RASGEF1C: variants seen among roughly 807,000 people sequenced by gnomAD.
RASGEF1C encodes the protein RasGEF domain family member 1C, also known as ras-GEF domain-containing family member 1C.
RASGEF1C carries 27 observed loss-of-function variants against 58.1 expected under a neutral mutation model. That is an observed-to-expected ratio of 0.46 (90% CI 0.34 to 0.64). The LOEUF (loss-of-function observed/expected upper bound fraction) is 0.64, where lower values mean the gene tolerates loss of function less well. Among genes scored for constraint, RASGEF1C ranks in the 30% least tolerant of loss-of-function variants. The pLI is 0.01. For synonymous variants in RASGEF1C, 243 were observed against 246.3 expected, an observed-to-expected ratio of 0.99 and a Z score of 0.13; for missense variants, 502 against 605.1, an observed-to-expected ratio of 0.83 and a Z score of 1.79.
chr5:180,177,385 G>C lies in RASGEF1C; in HGVS notation c.-7+31643C>G, dbSNP rs1767248690. ...CCATTTTTAACCTTCCTTAGTCCCAGCAGCCCCAGCAAAAGCTCTTCGGTG... is the reference window on the plus strand; with the variant it reads ...CCATTTTTAACCTTCCTTAGTCCCACCAGCCCCAGCAAAAGCTCTTCGGTG... On this transcript the variant is annotated intron_variant, in intron 1 of 13. Coordinates refer to ENST00000361132, the MANE Select transcript of RASGEF1C (RefSeq NM_175062.4). The surrounding 1 kb of genome is among the most constrained non-coding windows in gnomAD (Gnocchi z 5.0). 6.6e-6 allele frequency among the ~76,000 whole-genome samples: 1 copy of C among 152,156 alleles called. No homozygotes were observed. Among genetic ancestry groups the C allele is most frequent in the African/African-American group, 2.4e-5 (1 of 41,434 alleles).
chr5:180,109,319 G>A (rs998699749), intron 12 of RASGEF1C, among the ~76,000 whole-genome samples: 5 of 152,060 alleles, frequency 3.3e-5, no homozygotes, highest in East Asian at 1.9e-4. Context: ...TTAGCCGGGC[G>A]TGGTGGTGGG....
chr5:180,105,790 C>T (rs1765866050), intron 12 of RASGEF1C, among the ~76,000 whole-genome samples: 1 of 151,974 alleles, frequency 6.6e-6, no homozygotes, highest in African/African-American at 2.4e-5. Flanking sequence ...ATCGCTTGAA[C>T]CTGGGAGGCA....
At chr5:180,207,467 G>A (rs533236434) in intron 1 of RASGEF1C, among the ~76,000 whole-genome samples, 1 of 152,356 alleles carries the variant, frequency 6.6e-6, no homozygotes, top group African/African-American at 2.4e-5. Context: ...CCAGGTACAA[G>A]TGAGAGCTGG....
At chr5:180,149,088 CTTTTTTTT>C (rs61204210) in intron 1 of RASGEF1C, among the ~76,000 whole-genome samples, 2 of 110,176 alleles carry the variant, frequency 1.8e-5, no homozygotes, top group African/African-American at 6.7e-5. Flanking sequence ...CTTTTTTTTT[CTTTTTTTT>C]TTTTTTTTTT....
Position 180,197,931 on chromosome 5 carries a change from A to C in RASGEF1C, c.-7+11097T>G, listed in dbSNP as rs145800404. Among the ~76,000 whole-genome samples the C allele has an allele frequency of 2.0e-3, 312 of 152,336 alleles. 2 individuals are homozygous for C. The highest frequency in any genetic ancestry group is 7.3e-3 in the African/African-American group (303 of 41,592). On this transcript the variant is annotated intron_variant, in intron 1 of 13. Transcript: ENST00000361132. The surrounding 1 kb of genome is among the most constrained non-coding windows in gnomAD (Gnocchi z 4.7). ...TGCGTCCCACGCTTAGCGACATCCA[A>C]TGCACGTAAAGCAGAAATTCCCCAA...
chr5:180,113,626 AT>A lies in RASGEF1C; in HGVS notation c.1179+819del, dbSNP rs767541711. 4.7e-4 allele frequency among the ~76,000 whole-genome samples: 25 copies of A among 53,294 alleles called. 1 individual carries two copies. Among genetic ancestry groups the A allele is most frequent in the African/African-American group, 8.3e-4 (9 of 10,896 alleles). 35.0% of individuals were successfully genotyped at this position (53,294 alleles called of 152,430 possible). On this transcript the variant is annotated intron_variant, in intron 11 of 13. Coordinates refer to ENST00000361132, the MANE Select transcript of RASGEF1C (RefSeq NM_175062.4). ...GGAGGGATCGGGGATGGACGGAGGG[AT>A]CCGGGGATGGACGGAGTGACCGGGG... is the stretch of plus-strand genomic sequence containing the variant.
chr5:180,150,367 TTCTC>T (rs1766727047), intron 1 of RASGEF1C, among the ~76,000 whole-genome samples: 1 of 152,230 alleles, frequency 6.6e-6, no homozygotes, highest in Non-Finnish European at 1.5e-5. Flanking sequence ...CATGTAGTCT[TTCTC>T]AGGGACAGTT....
rs904212548 is a variant in RASGEF1C at position 180,198,822 on chromosome 5, T to C, written c.-7+10206A>G. Among the ~76,000 whole-genome samples the C allele has an allele frequency of 1.2e-4, 18 of 152,216 alleles. No homozygotes were observed. The highest frequency in any genetic ancestry group is 8.3e-4 in the South Asian group (4 of 4,816). On this transcript the variant is annotated intron_variant, in intron 1 of 13. Transcript: ENST00000361132. The surrounding 1 kb of genome is among the most constrained non-coding windows in gnomAD (Gnocchi z 4.5). ...CACCTTCTGCTGCTTCTGGGATCCTTTAGGGGGTCCTGCATGAAATGAGCC... is the reference window on the plus strand; with the variant it reads ...CACCTTCTGCTGCTTCTGGGATCCTCTAGGGGGTCCTGCATGAAATGAGCC...
rs537376736 is a variant in RASGEF1C, at chr5:180,136,272, G to C, written c.438+106C>G. 35 of 1,156,224 alleles carry C rather than the reference G, an allele frequency of 3.0e-5. No individual in the cohort carries two copies. In the South Asian group the frequency reaches 4.7e-4, roughly 16 times the overall value. The allele number at this position is 1,156,224 out of a possible 1,614,324, so 71.6% of individuals were successfully genotyped here. ...AAGCGGCTGGATTTGGACGGGCCGT[G>C]GTGTGCAGGGTGGGGAGATGAGGGC... On this transcript the variant is annotated intron_variant, in intron 4 of 13. Transcript: ENST00000361132.
intron 11 of RASGEF1C, among the ~76,000 whole-genome samples, chr5:180,113,448 C>T (rs1428402177): frequency 2.2e-5 from 1 of 44,780 alleles, no homozygotes. Context: ...CCGGGATGGA[C>T]GGAGGGACCG....
intron 1 of RASGEF1C, among the ~76,000 whole-genome samples, chr5:180,161,812 G>A (rs978139616): frequency 1.3e-5 from 2 of 152,208 alleles, no homozygotes; most frequent in African/African-American, 4.8e-5. Context: ...ACCCACCTGC[G>A]GGAGGGGCGT....
rs1325933702 is a variant in RASGEF1C, at chr5:180,128,481, T to C, written c.568A>G (p.Ile190Val). ...CAGACACCAAGGAGCTCCCTGTGGA[T>C]GGAGGCTGGTGGCTTGGTCCTGTAG... ...ISYRTKPPAS[I>V]HRELLGVCSD... Residue 190 changes from isoleucine to valine, a missense_variant, in exon 5 of 14, where the codon ATC becomes GTC. Coordinates refer to ENST00000361132, the MANE Select transcript of RASGEF1C (RefSeq NM_175062.4). 6.2e-7 allele frequency: 1 copy of C among 1,614,056 alleles called. No individual in the cohort carries two copies. The highest frequency in any genetic ancestry group is 1.7e-5 in the Admixed American group (1 of 60,022).
rs191426601 is a variant in RASGEF1C at position 180,113,173 on chromosome 5, G to A, written c.1179+1273C>T. 8.1e-5 allele frequency among the ~76,000 whole-genome samples: 9 copies of A among 110,914 alleles called. 1 individual carries two copies. The East Asian group carries it at 2.4e-3, about 30-fold the overall frequency. The allele number at this position is 110,914 out of a possible 152,430, so 72.8% of individuals were successfully genotyped here. On this transcript the variant is annotated intron_variant, in intron 11 of 13. Transcript: ENST00000361132. Reference sequence around the variant, plus strand: ...GGGATCTGGGCTGGACGGAGGGACCGGGGATGGACGGAGGGATCCAGGATG... The same window carrying A: ...GGGATCTGGGCTGGACGGAGGGACCAGGGATGGACGGAGGGATCCAGGATG...
At chr5:180,108,466 G>C (rs1398300362) in intron 12 of RASGEF1C, among the ~76,000 whole-genome samples, 1 of 152,098 alleles carries the variant, frequency 6.6e-6, no homozygotes, top group Admixed American at 6.5e-5. Flanking sequence ...CTCCCAAAGT[G>C]CTGGGATTAC....
intron 1 of RASGEF1C, among the ~76,000 whole-genome samples, chr5:180,167,461 C>A (rs1767040724): frequency 6.6e-6 from 1 of 151,938 alleles, no homozygotes; most frequent in Admixed American, 6.6e-5. Context: ...TGCACTCCAG[C>A]CTGGGTGACA....
intron 10 of RASGEF1C, among the ~76,000 whole-genome samples, chr5:180,115,582 G>A (rs569992529): frequency 6.6e-6 from 1 of 152,230 alleles, no homozygotes; most frequent in South Asian, 2.1e-4. Context: ...CTGCCGGCTG[G>A]GTTTAGTCTC....
chr5:180,196,071 T>A (rs1756269877), intron 1 of RASGEF1C, among the ~76,000 whole-genome samples: 1 of 152,240 alleles, frequency 6.6e-6, no homozygotes, highest in Admixed American at 6.5e-5. Flanking sequence ...TTTTGTCATG[T>A]AGAGCTTTTA....
chr5:180,161,742 C>T (rs570970534), intron 1 of RASGEF1C, among the ~76,000 whole-genome samples: 24 of 152,256 alleles, frequency 1.6e-4, no homozygotes, highest in Non-Finnish European at 2.6e-4. Context: ...CCCTCCTGCG[C>T]GTGGCTGACG....
At chr5:180,169,905 T>C (rs903890006) in intron 1 of RASGEF1C, among the ~76,000 whole-genome samples, 1 of 151,620 alleles carries the variant, frequency 6.6e-6, no homozygotes, top group Non-Finnish European at 1.5e-5. Flanking sequence ...GTCCTCCCCC[T>C]GGGCTCCCTG....
Sources: allele counts gnomAD v4.1 joint callset (sites outside exome capture counted in the v4.1 genomes callset), GRCh38; gene constraint gnomAD v4.1.1; non-coding constraint Gnocchi (gnomAD v3.1); transcripts MANE v1.5; gene names NCBI Gene and HGNC (gene_info 2026-07-23, HGNC 2026-07-21).